UBA6: variants seen among roughly 807,000 people sequenced by gnomAD.
The protein encoded by UBA6 is ubiquitin-like modifier-activating enzyme 6.
A neutral mutation model predicts 148.3 loss-of-function variants in UBA6; 87 were observed. The observed-to-expected ratio is 0.59, with a 90% CI of 0.49 to 0.70. UBA6 has a LOEUF of 0.70. Ranked by LOEUF, UBA6 falls within the 30% of genes least tolerant of loss-of-function variation. The pLI, the probability that UBA6 is intolerant of heterozygous loss-of-function variation, is 0.00. For missense variants in UBA6, 1,186 were observed against 1,241.2 expected (o/e 0.96, Z 0.67); for synonymous variants, 376 against 401.0 (o/e 0.94, Z 0.75).
chr4:67,621,677 C>T (rs1203748001), intron 32 of UBA6, among the ~76,000 whole-genome samples: 1 of 152,072 alleles, frequency 6.6e-6, no homozygotes, highest in African/African-American at 2.4e-5. Flanking sequence ...GTGTTGGGTG[C>T]CTGTCATCCC....
chr4:67,647,679 A>C (rs1729450988), intron 14 of UBA6, among the ~76,000 whole-genome samples: 1 of 141,680 alleles, frequency 7.1e-6, no homozygotes, highest in South Asian at 2.1e-4. Context: ...CATTTAAGTA[A>C]CTTGTGTGGC....
At chr4:67,620,052 T>G (rs996382257) in intron 32 of UBA6, among the ~76,000 whole-genome samples, 3 of 152,212 alleles carry the variant, frequency 2.0e-5, no homozygotes, top group African/African-American at 7.2e-5. Flanking sequence ...CAGTAGCTCT[T>G]TCCATTTCAC....
At chr4:67,625,291 A>G in intron 28 of UBA6, 104 bp from the exon 29 acceptor site, 1 of 881,048 alleles carries the variant, frequency 1.1e-6, no homozygotes, top group South Asian at 2.9e-5. Context: ...TCCTTTTTAT[A>G]TTTTTTAATG....
chr4:67,654,806 GAGGCCCATAGTCTCAAAA>G (rs1729644136), intron 13 of UBA6, among the ~76,000 whole-genome samples: 1 of 149,678 alleles, frequency 6.7e-6, no homozygotes, highest in Non-Finnish European at 1.5e-5. Context: ...CACGTGCAAA[GAGGCCCATAGTCTCAAAA>G]TAAAGGGATG....
At chr4:67,623,998 A>G in intron 30 of UBA6, 128 bp downstream of exon 30, 1 of 723,196 alleles carries the variant, frequency 1.4e-6, no homozygotes, top group Non-Finnish European at 2.1e-6. Context: ...CTGATCTTGA[A>G]GTGATGGCAA....
chr4:67,628,315 G>T (rs1404769012), intron 27 of UBA6, among the ~76,000 whole-genome samples: 1 of 151,652 alleles, frequency 6.6e-6, no homozygotes, highest in Non-Finnish European at 1.5e-5. Context: ...AACTATCTCT[G>T]TAATTTCCTC....
At chr4:67,658,843 G>C (rs528888628) in intron 13 of UBA6, among the ~76,000 whole-genome samples, 45 of 152,256 alleles carry the variant, frequency 3.0e-4, no homozygotes, top group Admixed American at 5.9e-4. Context: ...GCTAAGGTTT[G>C]GTTATGGGCT....
At chr4:67,637,488 T>C (rs1729190759) in intron 19 of UBA6, among the ~76,000 whole-genome samples, 1 of 152,130 alleles carries the variant, frequency 6.6e-6, no homozygotes. Context: ...TTTTGTAGAA[T>C]AGAAAAGGGG....
intron 16 of UBA6, among the ~76,000 whole-genome samples, chr4:67,645,142 A>G (rs1302855845): frequency 1.3e-5 from 2 of 152,210 alleles, no homozygotes; most frequent in Admixed American, 6.5e-5. Flanking sequence ...ATGCATGTAA[A>G]AAGCTCAGTA....
intron 26 of UBA6, among the ~76,000 whole-genome samples, chr4:67,629,815 A>T (rs1478775514): frequency 6.6e-6 from 1 of 152,064 alleles, no homozygotes; most frequent in Non-Finnish European, 1.5e-5. Context: ...TAAAACAGAT[A>T]TTGTTATCTG....
Position 67,634,519 on chromosome 4 carries a change from C to T in UBA6, c.1843-1G>A. On this transcript the variant is annotated splice_acceptor_variant, in intron 20 of 32. Coordinates refer to ENST00000322244, the MANE Select transcript of UBA6 (RefSeq NM_018227.6). LOFTEE classifies it high-confidence loss of function. ...GTATTTCCTCTTCTGGGGGATCCCGCTAATTTATAAAATATGACAACAGGT... is the reference window on the plus strand; with the variant it reads ...GTATTTCCTCTTCTGGGGGATCCCGTTAATTTATAAAATATGACAACAGGT... 6.4e-7 allele frequency: 1 copy of T among 1,554,406 alleles called. No homozygotes were observed. Among genetic ancestry groups the T allele is most frequent in the Non-Finnish European group, 8.6e-7 (1 of 1,159,906 alleles).
At chr4:67,651,128 A>T (rs970199340) in intron 13 of UBA6, among the ~76,000 whole-genome samples, 24 of 152,136 alleles carry the variant, frequency 1.6e-4, no homozygotes, top group African/African-American at 5.3e-4. Context: ...GAAAACCAGA[A>T]TCAAAACATT....
chr4:67,670,453 C>G lies in UBA6; in HGVS notation c.669+17G>C. ...TTTAACAAAATTTATTTTAAAAGTT[C>G]ATTAATATAATCATACTTGCGTTAT... On this transcript the variant is annotated intron_variant, in intron 8 of 32. Transcript: ENST00000322244. 6.5e-7 allele frequency: 1 copy of G among 1,549,422 alleles called. No homozygotes were observed. The highest frequency in any genetic ancestry group is 1.1e-5 in the South Asian group (1 of 87,546).
chr4:67,662,307 CAGT>C (rs757647970), intron 12 of UBA6, 52 bp from the exon 13 acceptor site: 2 of 1,484,486 alleles, frequency 1.3e-6, no homozygotes, highest in East Asian at 4.6e-5. Flanking sequence ...CTGCCATAAA[CAGT>C]AGGACATACT....
intron 6 of UBA6, among the ~76,000 whole-genome samples, chr4:67,677,382 T>C (rs768017966): frequency 9.9e-5 from 15 of 152,220 alleles, no homozygotes; most frequent in Non-Finnish European, 2.1e-4. Context: ...TAGTTTTTAA[T>C]GGATATTACT....
At chr4:67,688,830 T>C (rs192190926) in intron 2 of UBA6, among the ~76,000 whole-genome samples, 155 of 152,278 alleles carry the variant, frequency 1.0e-3, no homozygotes, top group South Asian at 9.1e-3. Flanking sequence ...AATCTAATTG[T>C]TTAGAAGGAA....
chr4:67,618,379 G>C lies in UBA6; in HGVS notation c.*618C>G, dbSNP rs1202118727. The C allele has an allele frequency of 6.6e-6, 1 of 152,626 alleles. No homozygotes were observed. The highest frequency in any genetic ancestry group is 1.5e-5 in the Non-Finnish European group (1 of 68,058). 9.5% of individuals were successfully genotyped at this position (152,626 alleles called of 1,614,324 possible). A position where few individuals can be genotyped will look rare whatever the true frequency, so the allele number is the denominator to read the frequency against. On this transcript the variant is annotated 3_prime_UTR_variant, in exon 33 of 33. Transcript: ENST00000322244. Reference sequence around the variant, plus strand: ...GACCTATTGCTCCTACAACACTGATGCTATCAACAAAAATCCTGATTTTGG... The same window carrying C: ...GACCTATTGCTCCTACAACACTGATCCTATCAACAAAAATCCTGATTTTGG...
chr4:67,663,307 T>A, intron 11 of UBA6, 92 bp from the exon 12 acceptor site: 4 of 806,986 alleles, frequency 5.0e-6, no homozygotes, highest in Non-Finnish European at 6.0e-6. Flanking sequence ...TATTTAACCA[T>A]CATAATAAAC....
At position 67,635,463 on chromosome 4, in the gene UBA6, TA is replaced by T; in HGVS notation, c.1831del (p.Tyr611ThrfsTer17). The T allele has an allele frequency of 6.3e-7, 1 of 1,587,390 alleles. No individual in the cohort carries two copies. The highest frequency in any genetic ancestry group is 1.1e-5 in the South Asian group (1 of 90,328). On this transcript the variant is annotated frameshift_variant, in exon 20 of 33. Transcript: ENST00000322244. LOFTEE classifies it high-confidence loss of function. ...TATTGATTCACTTACATGACTATTG[TA>T]AGACTCAGTCAAATGCGGTACAATA... ...EVIVPHLTES[Y>X]NSHRDPPEEE...
Sources: gnomAD v4.1 joint callset for allele counts (sites outside exome capture counted in the v4.1 genomes callset) on GRCh38, gnomAD v4.1.1 for gene constraint, MANE v1.5 for transcripts, NCBI Gene and HGNC (gene_info 2026-07-23, HGNC 2026-07-21) for gene names.